BPIFB4: variants seen among roughly 807,000 people sequenced by gnomAD.
The protein encoded by BPIFB4 is BPI fold-containing family B member 4.
In BPIFB4, 62 loss-of-function variants were observed where a neutral mutation model predicts 69.2. The ratio of observed to expected loss-of-function variants is 0.90; its 90% CI spans 0.73 to 1.11. The LOEUF (loss-of-function observed/expected upper bound fraction) is 1.11, where lower values mean the gene tolerates loss of function less well. Among genes scored for constraint, BPIFB4 ranks in the 50% least tolerant of loss-of-function variants. BPIFB4 has a pLI of 0.00. For synonymous variants in BPIFB4, 330 were observed against 332.7 expected, an observed-to-expected ratio of 0.99 and a Z score of 0.09; for missense variants, 789 against 792.0, an observed-to-expected ratio of 1.00 and a Z score of 0.04.
intron 7 of BPIFB4, among the ~76,000 whole-genome samples, chr20:33,088,071 G>C (rs868657550): frequency 6.6e-6 from 1 of 152,078 alleles, no homozygotes; most frequent in South Asian, 2.1e-4. Context: ...TGTTTCCTTC[G>C]TCTTCTTATC....
Position 33,081,548 on chromosome 20 carries a change from G to T in BPIFB4, c.22G>T (p.Ala8Ser), listed in dbSNP as rs1350297486. Residue 8 changes from alanine to serine, a missense_variant, in exon 3 of 18, where the codon GCT (alanine) becomes TCT (serine). Transcript: ENST00000375483. ...CAGCATGTGGATGGCCTGGTGTGTG[G>T]CTGCGCTGTCTGTGGTGGCTGTGTG... Reference protein sequence around the residue: MWMAWCVAALSVVAVCGT... With the variant: MWMAWCVSALSVVAVCGT... 6.4e-7 allele frequency: 1 copy of T among 1,551,714 alleles called. No homozygotes were observed. Among genetic ancestry groups the T allele is most frequent in the Non-Finnish European group, 8.7e-7 (1 of 1,147,004 alleles).
intron 2 of BPIFB4, among the ~76,000 whole-genome samples, chr20:33,081,175 C>T (rs1166892032): frequency 6.6e-6 from 1 of 152,128 alleles, no homozygotes; most frequent in African/African-American, 2.4e-5. Context: ...TTAGAACCTG[C>T]GAGCTCCCAG....
chr20:33,092,767 A>G (rs1179317938), intron 11 of BPIFB4, 109 bp downstream of exon 11: 12 of 1,052,340 alleles, frequency 1.1e-5, no homozygotes, highest in Non-Finnish European at 1.6e-5. Context: ...AGAACTGCAG[A>G]TGGTCCACCC....
Position 33,097,735 on chromosome 20 carries a change from T to C in BPIFB4, c.1517T>C (p.Val506Ala). ...ALVKVLATAE[V>A]MVSQPKDLET... ...GTGAAGGTGTTGGCCACTGCCGAGGTCATGGTCTCCCAGCCCAAAGACCTG... is the reference window on the plus strand; with the variant it reads ...GTGAAGGTGTTGGCCACTGCCGAGGCCATGGTCTCCCAGCCCAAAGACCTG... The change falls in exon 13 of 18, where the codon GTC (valine) becomes GCC (alanine). Residue 506 changes from valine (V) to alanine (A), a missense_variant. Around this residue, in one of 3 missense-constraint regions of BPIFB4, gnomAD observed 170 missense variants for 193.6 expected, o/e 0.88. Coordinates refer to ENST00000375483, the MANE Select transcript of BPIFB4 (RefSeq NM_182519.3). 2 of 1,614,070 alleles carry C rather than the reference T, an allele frequency of 1.2e-6. No individual in the cohort carries two copies. The highest frequency in any genetic ancestry group is 1.7e-6 in the Non-Finnish European group (2 of 1,179,996).
intron 12 of BPIFB4, among the ~76,000 whole-genome samples, chr20:33,097,347 T>C (rs77489020): frequency 2.4e-4 from 36 of 152,302 alleles, no homozygotes; most frequent in African/African-American, 8.4e-4. Flanking sequence ...TTTCACTCAG[T>C]ACCAAGTTTT....
intron 13 of BPIFB4, among the ~76,000 whole-genome samples, chr20:33,098,933 T>C (rs1464556812): frequency 2.0e-5 from 3 of 151,168 alleles, no homozygotes; most frequent in Non-Finnish European, 4.4e-5. Context: ...TGCTGTTCCC[T>C]CTGCCTGGGA....
chr20:33,108,574 A>G (rs948949758), intron 17 of BPIFB4, among the ~76,000 whole-genome samples: 1 of 152,014 alleles, frequency 6.6e-6, no homozygotes, highest in African/African-American at 2.4e-5. Flanking sequence ...GAGGGCTTGG[A>G]GCCCAGTGAC....
Position 33,103,015 on chromosome 20 carries a change from G to A in BPIFB4, c.1680+1G>A, listed in dbSNP as rs1259919944. The A allele has an allele frequency of 6.2e-7, 1 of 1,613,842 alleles. No individual in the cohort carries two copies. Among genetic ancestry groups the A allele is most frequent in the East Asian group, 2.2e-5 (1 of 44,882 alleles). ...AACCTCAAACGTGGGCAACTTTGAT[G>A]TAAGTACCATGTTTAGTTCCCAGGG... On this transcript the variant is annotated splice_donor_variant, in intron 15 of 17. Coordinates refer to ENST00000375483, the MANE Select transcript of BPIFB4 (RefSeq NM_182519.3). LOFTEE classifies it high-confidence loss of function.
intron 7 of BPIFB4, among the ~76,000 whole-genome samples, chr20:33,086,918 G>T (rs927109): frequency 0.39 from 59,995 of 151,972 alleles, 12,453 homozygotes; most frequent in East Asian, 0.78. Context: ...CTCTTCTTTG[G>T]CTTCTCTCTT....
chr20:33,110,614 G>A (rs887245338), intron 17 of BPIFB4, among the ~76,000 whole-genome samples: 1 of 152,164 alleles, frequency 6.6e-6, no homozygotes, highest in African/African-American at 2.4e-5. Flanking sequence ...TGTGGTGTGT[G>A]CCTAATGGTG....
At chr20:33,081,444 C>T in intron 2 of BPIFB4, 68 bp from the exon 3 acceptor site, 2 of 1,528,690 alleles carry the variant, frequency 1.3e-6, no homozygotes. Flanking sequence ...CTGGGGCTGC[C>T]TAGTGCTACC....
chr20:33,091,704 GGCTGAGT>G (rs1981605007), intron 10 of BPIFB4, among the ~76,000 whole-genome samples: 1 of 152,242 alleles, frequency 6.6e-6, no homozygotes, highest in South Asian at 2.1e-4. Context: ...TGAGGCTCTG[GGCTGAGT>G]GCTGGAAGTA....
In BPIFB4 at chr20:33,083,610, G is replaced by A. The variant is rs753941963; in HGVS notation, c.413G>A (p.Arg138Gln). The change falls in exon 5 of 18, where the codon CGA (arginine) becomes CAA (glutamine). Residue 138 changes from arginine to glutamine, a missense_variant. Coordinates refer to ENST00000375483, the MANE Select transcript of BPIFB4 (RefSeq NM_182519.3). Reference sequence around the variant, plus strand: ...TATGGAGGCCACAGGGGCCTCGGGCGATACAGGGCAGCACCTGTGGGCAGG... The same window carrying A: ...TATGGAGGCCACAGGGGCCTCGGGCAATACAGGGCAGCACCTGTGGGCAGG... ...NAYGGHRGLG[R>Q]YRAAPVGRLH... 43 of 1,613,942 alleles carry A rather than the reference G, an allele frequency of 2.7e-5. No individual in the cohort carries two copies. In the East Asian group the frequency reaches 4.0e-4, roughly 15 times the overall value.
intron 5 of BPIFB4, among the ~76,000 whole-genome samples, chr20:33,084,571 C>T (rs1300689113): frequency 6.6e-6 from 1 of 152,074 alleles, no homozygotes; most frequent in Non-Finnish European, 1.5e-5. Flanking sequence ...GCAGGAGGAA[C>T]CTATATGTAT....
At position 33,111,592 on chromosome 20, in the gene BPIFB4, T is replaced by TTTCTCAGGGTTG; in HGVS notation, c.*155_*156insTTCTCAGGGTTG. ...CCCTCTTCCTCCCTTGCCCCAACCC[T>TTTCTCAGGGTTG]GAGAAAGGGTCCAGCCACTACCCTG... On this transcript the variant is annotated 3_prime_UTR_variant, in exon 18 of 18. Transcript: ENST00000375483. 1.1e-6 allele frequency: 1 copy of TTTCTCAGGGTTG among 880,352 alleles called. No individual in the cohort carries two copies. The highest frequency in any genetic ancestry group is 1.6e-5 in the South Asian group (1 of 61,628). 54.5% of individuals were successfully genotyped at this position (880,352 alleles called of 1,614,324 possible).
chr20:33,079,936 C>T (rs13039811), intron 1 of BPIFB4, among the ~76,000 whole-genome samples: 34,979 of 152,110 alleles, frequency 0.23, 4,213 homozygotes, highest in Admixed American at 0.29. Context: ...TTCCCAGGGA[C>T]GTTGGGTACC....
Position 33,106,376 on chromosome 20 carries a change from C to CTTTTCT in BPIFB4, c.1745-1364_1745-1363insCTTTTT, listed in dbSNP as rs1555787050. On this transcript the variant is annotated intron_variant, in intron 16 of 17. Coordinates refer to ENST00000375483, the MANE Select transcript of BPIFB4 (RefSeq NM_182519.3). Reference sequence around the variant, plus strand: ...TGCTGGGGACACAGCTCTTTTCTTTCTTTTTTTTTTTTTTGAGATGGAGTC... The same window carrying CTTTTCT: ...TGCTGGGGACACAGCTCTTTTCTTTCTTTTCTTTTTTTTTTTTTTTGAGATGGAGTC... Among the ~76,000 whole-genome samples the CTTTTCT allele has an allele frequency of 1.2e-4, 16 of 133,046 alleles. No individual in the cohort carries two copies. The South Asian group carries it at 1.4e-3, about 12-fold the overall frequency. 87.3% of individuals were successfully genotyped at this position (133,046 alleles called of 152,430 possible). A position where few individuals can be genotyped will look rare whatever the true frequency, so the allele number is the denominator to read the frequency against.
At chr20:33,079,946 C>T (rs1981180588) in intron 1 of BPIFB4, among the ~76,000 whole-genome samples, 1 of 152,266 alleles carries the variant, frequency 6.6e-6, no homozygotes, top group Middle Eastern at 3.4e-3. Context: ...CGTTGGGTAC[C>T]GAGGGCCTTT....
At chr20:33,089,738 G>A (rs930536359) in intron 9 of BPIFB4, among the ~76,000 whole-genome samples, 180 bp downstream of exon 9, 8 of 140,362 alleles carry the variant, frequency 5.7e-5, no homozygotes, top group South Asian at 2.4e-4. Flanking sequence ...CACCCCCCCC[G>A]AGTACCAGAG....
Sources: allele counts gnomAD v4.1 joint callset (sites outside exome capture counted in the v4.1 genomes callset), GRCh38; gene constraint gnomAD v4.1.1; regional missense constraint gnomAD v4.1.1; transcripts MANE v1.5; gene names NCBI Gene and HGNC (gene_info 2026-07-23, HGNC 2026-07-21).